Variants in MYB observed in about 807,000 individuals in gnomAD.
MYB encodes the protein transcriptional activator Myb.
Under a neutral mutation model 92.9 loss-of-function variants are expected in MYB, and 28 were observed. The ratio of observed to expected loss-of-function variants is 0.30; its 90% confidence interval spans 0.22 to 0.41. The LOEUF (loss-of-function observed/expected upper bound fraction) is 0.41. Ranked by LOEUF, MYB falls within the 10% of genes least tolerant of loss-of-function variation. The probability of loss-of-function intolerance (pLI) is 1.00; values close to 1 mark genes in which losing one functional copy is unlikely to be tolerated. For missense variants in MYB, 679 were observed against 929.3 expected, an observed-to-expected ratio of 0.73 and a Z score of 3.50; for synonymous variants, 295 against 329.1, an observed-to-expected ratio of 0.90 and a Z score of 1.12.
chr6:135,215,363 T>A (rs1457211109), intron 15 of MYB, among the ~76,000 whole-genome samples: 1 of 152,210 alleles, frequency 6.6e-6, no homozygotes, highest in Non-Finnish European at 1.5e-5. Context: ...TTGTTTCTGA[T>A]AAGAACTCGA....
Position 135,201,086 on chromosome 6 carries a change from A to T in MYB, c.1951-553A>T, listed in dbSNP as rs181773759. On this transcript the variant is annotated intron_variant, in intron 13 of 15. Transcript: ENST00000341911. ...AGCAAGACTCCGTCTCAAAAAAAATAAAAATTAAAATTAAAAAAGAGAATC... is the reference window on the plus strand; with the variant it reads ...AGCAAGACTCCGTCTCAAAAAAAATTAAAATTAAAATTAAAAAAGAGAATC... 4.6e-3 allele frequency among the ~76,000 whole-genome samples: 703 copies of T among 152,366 alleles called. 2 individuals are homozygous for T. Among genetic ancestry groups the T allele is most frequent in the African/African-American group, 0.016 (656 of 41,592 alleles).
intron 15 of MYB, 157 bp downstream of exon 15, chr6:135,203,481 A>C (rs1778429572): frequency 5.8e-6 from 4 of 687,516 alleles, no homozygotes; most frequent in Non-Finnish European, 9.6e-6. Flanking sequence ...ACAATTCTTG[A>C]TGTCTAGAAA....
At chr6:135,199,161 C>A in intron 11 of MYB, 111 bp downstream of exon 11, 1 of 855,978 alleles carries the variant, frequency 1.2e-6, no homozygotes, top group Non-Finnish European at 1.7e-6. Context: ...TTTTACTGAC[C>A]ATTTATATAT....
At chr6:135,211,226 C>A (rs2128317884) in intron 15 of MYB, among the ~76,000 whole-genome samples, 1 of 149,984 alleles carries the variant, frequency 6.7e-6, no homozygotes, top group Middle Eastern at 3.4e-3. Context: ...GATGCCTGCA[C>A]ACTCATTTGG....
chr6:135,206,222 A>AT (rs1455172188), intron 15 of MYB, among the ~76,000 whole-genome samples: 4,113 of 125,896 alleles, frequency 0.033, 62 homozygotes, highest in Non-Finnish European at 0.049. Flanking sequence ...AAAAAAAAAA[A>AT]AAAAATAATA....
At position 135,201,759 on chromosome 6, in the gene MYB, T is replaced by C; in HGVS notation, c.2061+10T>C. 1.4e-6 allele frequency: 2 copies of C among 1,412,246 alleles called. No individual in the cohort carries two copies. The highest frequency in any genetic ancestry group is 1.9e-4 in the Middle Eastern group (1 of 5,270). The allele number at this position is 1,412,246 out of a possible 1,614,324, so 87.5% of individuals were successfully genotyped here. On this transcript the variant is annotated intron_variant, in intron 14 of 15. Coordinates refer to ENST00000341911, the MANE Select transcript of MYB (RefSeq NM_001130173.2). The stretch of plus-strand genomic sequence containing the variant: ...TGTGGCAGATGCACCGGTAAGTACG[T>C]GTGCACCAGCCCCCAAGTTGTTATG...
intron 9 of MYB, chr6:135,196,695 AG>A: frequency 7.2e-7 from 1 of 1,379,874 alleles, no homozygotes; most frequent in African/African-American, 1.4e-5. Flanking sequence ...CATCTAGAAA[AG>A]GTCTTCATTT....
chr6:135,196,092 C>T, intron 9 of MYB, 90 bp downstream of exon 9: 1 of 1,297,472 alleles, frequency 7.7e-7, no homozygotes, highest in South Asian at 1.3e-5. Flanking sequence ...TATAGCCAAG[C>T]TGTTATTAGC....
At chr6:135,188,950 G>A (rs368319993) in intron 3 of MYB, among the ~76,000 whole-genome samples, 11 of 152,252 alleles carry the variant, frequency 7.2e-5, no homozygotes, top group Admixed American at 3.9e-4. Context: ...GGCACACAGA[G>A]GCCCTCCTCT....
intron 15 of MYB, among the ~76,000 whole-genome samples, chr6:135,214,094 G>A (rs769113238): frequency 1.3e-5 from 2 of 152,046 alleles, no homozygotes; most frequent in African/African-American, 2.4e-5. Context: ...GCAACATAGC[G>A]AGACCCCCGC....
chr6:135,212,257 T>TTTTTTTTTC (rs1779838231), intron 15 of MYB, among the ~76,000 whole-genome samples: 1 of 118,474 alleles, frequency 8.4e-6, no homozygotes, highest in Non-Finnish European at 1.7e-5. Flanking sequence ...TTTTTTTTTT[T>TTTTTTTTTC]AGTTTATACA....
Position 135,185,921 on chromosome 6 carries a change from G to A in MYB, c.42G>A (p.Glu14=). ...TCTGCAGCATATATAGCAGTGACGAGGATGATGAGGACTTTGAGATGTGTG... is the reference window on the plus strand; with the variant it reads ...TCTGCAGCATATATAGCAGTGACGAAGATGATGAGGACTTTGAGATGTGTG... ...RPRHSIYSSD[E]DDEDFEMCDH... Residue 14 remains glutamate, a synonymous_variant, in exon 2 of 16, where the codon GAG becomes GAA. Coordinates refer to ENST00000341911, the MANE Select transcript of MYB (RefSeq NM_001130173.2). 6.2e-7 allele frequency: 1 copy of A among 1,614,016 alleles called. No individual in the cohort carries two copies. The highest frequency in any genetic ancestry group is 2.2e-5 in the East Asian group (1 of 44,870).
intron 11 of MYB, chr6:135,199,533 C>A: frequency 9.3e-7 from 1 of 1,070,066 alleles, no homozygotes; most frequent in Non-Finnish European, 1.1e-6. Context: ...TAGATAGGAC[C>A]TCTTCTGACA....
chr6:135,192,252 T>C, intron 5 of MYB, 72 bp from the exon 6 acceptor site: 1 of 1,271,106 alleles, frequency 7.9e-7, no homozygotes, highest in South Asian at 1.2e-5. Context: ...TTAGAAACAG[T>C]TTTCTGTCAA....
chr6:135,207,518 T>A (rs1025208918), intron 15 of MYB, among the ~76,000 whole-genome samples: 3 of 152,250 alleles, frequency 2.0e-5, no homozygotes, highest in African/African-American at 7.2e-5. Context: ...ATTACTATTT[T>A]TGAGGCCCAT....
At chr6:135,215,776 G>C (rs1411603325) in intron 15 of MYB, among the ~76,000 whole-genome samples, 1 of 151,808 alleles carries the variant, frequency 6.6e-6, no homozygotes, top group Non-Finnish European at 1.5e-5. Context: ...AATCTTAGCT[G>C]TTTTCACCCT....
chr6:135,217,613 A>G (rs1017640771), intron 15 of MYB, among the ~76,000 whole-genome samples: 1 of 152,170 alleles, frequency 6.6e-6, no homozygotes, highest in Non-Finnish European at 1.5e-5. Context: ...GACGGAAGGC[A>G]TTAAAATATG....
rs1200844623 is a variant in MYB at position 135,193,872 on chromosome 6, A to G, written c.797A>G (p.His266Arg). The change falls in exon 7 of 16, where the codon CAT becomes CGT. Residue 266 changes from histidine (H) to arginine (R), a missense_variant. Around this residue, in one of 8 missense-constraint regions of MYB, gnomAD observed 43 missense variants for 87.9 expected, o/e 0.49. Coordinates refer to ENST00000341911, the MANE Select transcript of MYB (RefSeq NM_001130173.2). ...SSHVPYPVAL[H>R]VNIVNVPQPA... ...CATGTTCCATACCCTGTAGCGTTAC[A>G]TGTAAATATAGTCAATGTCCCTCAG... 1 of 1,613,218 alleles carries G rather than the reference A, an allele frequency of 6.2e-7. No individual in the cohort carries two copies. The highest frequency in any genetic ancestry group is 1.7e-5 in the Admixed American group (1 of 59,996).
chr6:135,203,599 C>A, intron 15 of MYB: 1 of 816,574 alleles, frequency 1.2e-6, no homozygotes, highest in Non-Finnish European at 1.9e-6. Flanking sequence ...GTGACTGAGA[C>A]TAAGATGTAT....
Sources: allele counts gnomAD v4.1 joint callset (sites outside exome capture counted in the v4.1 genomes callset), GRCh38; gene constraint gnomAD v4.1.1; regional missense constraint gnomAD v4.1.1; transcripts MANE v1.5; gene names NCBI Gene and HGNC (gene_info 2026-07-23, HGNC 2026-07-21).